Variants in CTNNA2 observed in about 807,000 individuals in gnomAD.
The protein encoded by CTNNA2 is catenin alpha 2, also known as catenin alpha-2.
Under a neutral mutation model 101.0 loss-of-function variants are expected in CTNNA2, and 42 were observed. The ratio of observed to expected loss-of-function variants is 0.42; its 90% CI spans 0.32 to 0.54. The LOEUF is 0.54. Ranked by LOEUF, CTNNA2 falls within the 20% of genes least tolerant of loss-of-function variation. The pLI is 0.14. For synonymous variants in CTNNA2, 450 were observed against 456.4 expected (o/e 0.99, Z 0.18); for missense variants, 871 against 1,223.1 (o/e 0.71, Z 4.29).
intron 12 of CTNNA2, among the ~76,000 whole-genome samples, chr2:80,556,531 T>G (rs899547335): frequency 2.0e-5 from 3 of 152,160 alleles, no homozygotes; most frequent in Admixed American, 2.0e-4. Flanking sequence ...CTCACTGCTA[T>G]GGTCAGGTAT....
intron 4 of CTNNA2, among the ~76,000 whole-genome samples, chr2:79,421,872 G>C (rs979827920): frequency 1.3e-5 from 2 of 152,164 alleles, no homozygotes; most frequent in Admixed American, 1.3e-4. Context: ...CCATGGGCCA[G>C]TACTCTAGCA....
Position 79,257,055 on chromosome 2 carries a change from G to A in CTNNA2, c.-405-55654G>A, listed in dbSNP as rs527980733. Reference sequence around the variant, plus strand: ...AGTAATCTGATCTAGGAGGATAAGCGGAGATGACACAAGACTGACCGTAAG... The same window carrying A: ...AGTAATCTGATCTAGGAGGATAAGCAGAGATGACACAAGACTGACCGTAAG... On this transcript the variant is annotated intron_variant, in intron 2 of 21. Transcript: ENST00000466387. Among the ~76,000 whole-genome samples the A allele has an allele frequency of 9.9e-5, 15 of 152,270 alleles. No homozygotes were observed. The South Asian group carries it at 2.5e-3, about 25-fold the overall frequency.
At chr2:79,581,766 T>C (rs1237815616) in intron 1 of CTNNA2, among the ~76,000 whole-genome samples, 1 of 152,206 alleles carries the variant, frequency 6.6e-6, no homozygotes, top group Non-Finnish European at 1.5e-5. Flanking sequence ...CATTTATTAT[T>C]ATGACTAAAT....
At chr2:80,572,916 C>G (rs1694723841) in intron 12 of CTNNA2, 2 of 152,142 alleles carry the variant, frequency 1.3e-5, no homozygotes, top group African/African-American at 4.8e-5. Context: ...TGCTGTCTCC[C>G]CCTCCTTTTT....
chr2:79,802,990 T>C (rs1354077665), intron 3 of CTNNA2, among the ~76,000 whole-genome samples: 1 of 152,250 alleles, frequency 6.6e-6, no homozygotes, highest in East Asian at 1.9e-4. Flanking sequence ...ATAAGTTCTG[T>C]ATAAATGTAA....
intron 7 of CTNNA2, among the ~76,000 whole-genome samples, chr2:80,264,086 A>G (rs181003019): frequency 7.4e-4 from 112 of 152,314 alleles, no homozygotes; most frequent in Non-Finnish European, 2.6e-4. Flanking sequence ...ACCATAAATA[A>G]TAGAGTGCTT....
chr2:79,808,087 T>C (rs1294038379), intron 3 of CTNNA2, among the ~76,000 whole-genome samples: 4 of 152,204 alleles, frequency 2.6e-5, no homozygotes, highest in African/African-American at 4.8e-5. Flanking sequence ...GTATTTATAA[T>C]TGAAATGCTG....
At chr2:80,606,814 T>C (rs1301320260) in intron 16 of CTNNA2, among the ~76,000 whole-genome samples, 1 of 151,902 alleles carries the variant, frequency 6.6e-6, no homozygotes. Flanking sequence ...TAATTACTGT[T>C]CCATTGAGAT....
intron 7 of CTNNA2, among the ~76,000 whole-genome samples, chr2:80,312,963 A>G (rs1677742634): frequency 6.6e-6 from 1 of 152,236 alleles, no homozygotes; most frequent in African/African-American, 2.4e-5. Flanking sequence ...CTGGGTTTGT[A>G]AACACTCTCA....
chr2:79,679,658 G>T (rs1194576379), intron 2 of CTNNA2, among the ~76,000 whole-genome samples: 1 of 151,974 alleles, frequency 6.6e-6, no homozygotes, highest in Non-Finnish European at 1.5e-5. Context: ...AACGTTTGTC[G>T]CATTACTGTC....
intron 7 of CTNNA2, among the ~76,000 whole-genome samples, chr2:80,000,390 T>C (rs1435610824): frequency 2.0e-5 from 3 of 152,274 alleles, no homozygotes; most frequent in East Asian, 3.9e-4. Flanking sequence ...TAATTTCTGC[T>C]GGGGGAGTGG....
chr2:80,478,272 T>C (rs190954425), intron 9 of CTNNA2, among the ~76,000 whole-genome samples: 12 of 152,194 alleles, frequency 7.9e-5, no homozygotes, highest in Non-Finnish European at 1.6e-4. Flanking sequence ...CGCTGATCTG[T>C]CCTTGTAGAT....
intron 3 of CTNNA2, among the ~76,000 whole-genome samples, chr2:79,800,040 C>T (rs1676036275): frequency 6.6e-6 from 1 of 152,186 alleles, no homozygotes; most frequent in Middle Eastern, 3.4e-3. Context: ...GATTTTTTTC[C>T]TAAGGAACTT....
intron 1 of CTNNA2, among the ~76,000 whole-genome samples, chr2:79,558,532 C>A (rs1408287510): frequency 6.6e-6 from 1 of 151,856 alleles, no homozygotes. Flanking sequence ...GGGAAGATAA[C>A]AAATGTAAAA....
intron 7 of CTNNA2, among the ~76,000 whole-genome samples, chr2:80,116,964 T>C (rs1475872220): frequency 1.3e-5 from 2 of 149,466 alleles, no homozygotes; most frequent in Non-Finnish European, 3.0e-5. Context: ...GGCTAACTTA[T>C]TCATGTGTTA....
intron 1 of CTNNA2, among the ~76,000 whole-genome samples, chr2:79,583,732 G>T (rs1573402843): frequency 6.6e-6 from 1 of 152,096 alleles, no homozygotes; most frequent in African/African-American, 2.4e-5. Context: ...ATTTTAATAG[G>T]TATGAAGTGG....
intron 9 of CTNNA2, among the ~76,000 whole-genome samples, chr2:80,494,844 C>T (rs2149522944): frequency 6.7e-6 from 1 of 148,706 alleles, no homozygotes; most frequent in East Asian, 1.9e-4. Flanking sequence ...ACAACCAGTT[C>T]CAAGGCAAAT....
intron 3 of CTNNA2, among the ~76,000 whole-genome samples, chr2:79,767,428 C>T (rs754635496): frequency 9.9e-5 from 15 of 151,962 alleles, no homozygotes; most frequent in African/African-American, 1.4e-4. Flanking sequence ...GGTGTCTAGA[C>T]ATTGAAGAGT....
chr2:80,314,317 T>G (rs899855818), intron 7 of CTNNA2, among the ~76,000 whole-genome samples: 1 of 152,210 alleles, frequency 6.6e-6, no homozygotes, highest in Non-Finnish European at 1.5e-5. Context: ...AACTGAATTT[T>G]GTTAGTGAGC....
Sources: gnomAD v4.1 joint callset for allele counts (sites outside exome capture counted in the v4.1 genomes callset) on GRCh38, gnomAD v4.1.1 for gene constraint, MANE v1.5 for transcripts, NCBI Gene and HGNC (gene_info 2026-07-23, HGNC 2026-07-21) for gene names.